The following RNFT2 variants were observed in gnomAD, a reference collection of about 807,000 sequenced individuals.
RNFT2 encodes the protein E3 ubiquitin-protein ligase RNFT2.
A neutral mutation model predicts 53.0 loss-of-function variants in RNFT2; 36 were observed. The ratio of observed to expected loss-of-function variants is 0.68; its 90% CI spans 0.52 to 0.90. The LOEUF is 0.90. Ranked by LOEUF, RNFT2 falls within the 40% of genes least tolerant of loss-of-function variation. The probability of loss-of-function intolerance (pLI) is 0.00; values close to 1 mark genes in which losing one functional copy is unlikely to be tolerated. For missense variants in RNFT2, 514 were observed against 585.6 expected, an observed-to-expected ratio of 0.88 and a Z score of 1.26; for synonymous variants, 260 against 253.2, an observed-to-expected ratio of 1.03 and a Z score of -0.26.
chr12:116,769,751 G>A (rs1162801563), intron 6 of RNFT2, among the ~76,000 whole-genome samples: 1 of 152,102 alleles, frequency 6.6e-6, no homozygotes, highest in Non-Finnish European at 1.5e-5. Flanking sequence ...AAATGTAACG[G>A]CCGGGCATGG....
chr12:116,787,692 A>C (rs767502373), intron 7 of RNFT2, among the ~76,000 whole-genome samples: 11 of 150,060 alleles, frequency 7.3e-5, no homozygotes, highest in Non-Finnish European at 1.3e-4. Flanking sequence ...CAGCCTGGGC[A>C]ATAGAGGGAC....
chr12:116,833,705 C>T, intron 7 of RNFT2, 87 bp from the exon 8 acceptor site: 1 of 1,366,854 alleles, frequency 7.3e-7, no homozygotes, highest in Non-Finnish European at 1.0e-6. Flanking sequence ...CCTAGAATGT[C>T]ATCACTGCCC....
chr12:116,823,498 A>G (rs1876164154), intron 7 of RNFT2, among the ~76,000 whole-genome samples: 2 of 152,322 alleles, frequency 1.3e-5, no homozygotes, highest in South Asian at 4.1e-4. Flanking sequence ...AGCCTGGCCA[A>G]TGTGGCAAAA....
Position 116,850,361 on chromosome 12 carries a change from A to AT in RNFT2, c.*915dup, listed in dbSNP as rs1877860737. ...TAATTTTTAGTAGAGGCGAGGACTT[A>AT]TTATGTTGTCCAGGGTGTTCTCAAA... On this transcript the variant is annotated 3_prime_UTR_variant, in exon 11 of 11. Coordinates refer to ENST00000257575, the MANE Select transcript of RNFT2 (RefSeq NM_001382266.1). 1 of 148,344 alleles carries AT rather than the reference A, an allele frequency of 6.7e-6. No homozygotes were observed. Among genetic ancestry groups the AT allele is most frequent in the Non-Finnish European group, 1.5e-5 (1 of 67,372 alleles). The allele number at this position is 148,344 out of a possible 1,614,324, so 9.2% of individuals were successfully genotyped here. A position where few individuals can be genotyped will look rare whatever the true frequency, so the allele number is the denominator to read the frequency against.
At chr12:116,822,828 C>T (rs1392748753) in intron 7 of RNFT2, among the ~76,000 whole-genome samples, 1 of 152,144 alleles carries the variant, frequency 6.6e-6, no homozygotes, top group Non-Finnish European at 1.5e-5. Flanking sequence ...GAAACCCCAT[C>T]TCTACTAAAA....
chr12:116,766,927 A>C lies in RNFT2; in HGVS notation c.728+13A>C. The C allele has an allele frequency of 6.4e-7, 1 of 1,561,338 alleles. No individual in the cohort carries two copies. The highest frequency in any genetic ancestry group is 8.7e-7 in the Non-Finnish European group (1 of 1,149,422). ...AGCTGTACAACAGGTGAGCATGGGA[A>C]TCCAACCCCCACGGTGGGAGAGTGG... On this transcript the variant is annotated intron_variant, in intron 6 of 10. Transcript: ENST00000257575.
chr12:116,848,323 G>A (rs11068204), intron 10 of RNFT2, among the ~76,000 whole-genome samples: 4,059 of 152,232 alleles, frequency 0.027, 157 homozygotes, highest in East Asian at 0.13. Context: ...GCATGTATCT[G>A]TTTATCGTAG....
At chr12:116,754,211 G>A (rs985473866) in intron 5 of RNFT2, among the ~76,000 whole-genome samples, 151 bp downstream of exon 5, 3 of 152,254 alleles carry the variant, frequency 2.0e-5, no homozygotes, top group Non-Finnish European at 4.4e-5. Flanking sequence ...CAGTGAGAAC[G>A]TACAATGTTT....
At chr12:116,761,663 C>T (rs1167034699) in intron 5 of RNFT2, among the ~76,000 whole-genome samples, 2 of 152,172 alleles carry the variant, frequency 1.3e-5, no homozygotes, top group Non-Finnish European at 2.9e-5. Flanking sequence ...CATTTTCCCA[C>T]TGAGGAAACA....
intron 4 of RNFT2, 25 bp from the exon 5 acceptor site, chr12:116,753,959 C>T (rs1447417325): frequency 1.2e-6 from 2 of 1,608,266 alleles, no homozygotes; most frequent in African/African-American, 1.3e-5. Context: ...AAGTGGGTGA[C>T]ATCAGGCCCT....
chr12:116,810,535 T>C (rs1875322296), intron 7 of RNFT2, among the ~76,000 whole-genome samples: 1 of 152,060 alleles, frequency 6.6e-6, no homozygotes. Flanking sequence ...TTGGTATGAA[T>C]TTGCTCACAG....
At chr12:116,841,053 A>G (rs1877224217) in intron 10 of RNFT2, among the ~76,000 whole-genome samples, 1 of 152,170 alleles carries the variant, frequency 6.6e-6, no homozygotes, top group African/African-American at 2.4e-5. Flanking sequence ...CTACAAAGTC[A>G]GATGCTTTTA....
Position 116,766,797 on chromosome 12 carries a change from T to G in RNFT2, c.628-17T>G. On this transcript the variant is annotated splice_polypyrimidine_tract_variant and intron_variant, in intron 5 of 10. Transcript: ENST00000257575. ...ACATGCACCTTTGATATCACATATCTCTTGCTTTGTCTTCAGGAGAAGAGG... is the reference window on the plus strand; with the variant it reads ...ACATGCACCTTTGATATCACATATCGCTTGCTTTGTCTTCAGGAGAAGAGG... The G allele has an allele frequency of 2.6e-6, 4 of 1,565,584 alleles. No individual in the cohort carries two copies. The highest frequency in any genetic ancestry group is 3.5e-6 in the Non-Finnish European group (4 of 1,151,484).
intron 7 of RNFT2, among the ~76,000 whole-genome samples, chr12:116,786,919 G>A (rs1873958905): frequency 1.3e-5 from 2 of 152,126 alleles, no homozygotes. Flanking sequence ...TGCCCCCATG[G>A]CCACATGGTC....
intron 2 of RNFT2, chr12:116,740,792 T>C: frequency 1.6e-6 from 1 of 619,722 alleles, no homozygotes; most frequent in Middle Eastern, 3.8e-4. Flanking sequence ...ACATGAGGAC[T>C]TTCTCCACCT....
chr12:116,842,395 G>A (rs1033717822), intron 10 of RNFT2, among the ~76,000 whole-genome samples: 4 of 152,060 alleles, frequency 2.6e-5, no homozygotes, highest in African/African-American at 9.7e-5. Context: ...TCACATGCCC[G>A]AGGTTGGATT....
intron 5 of RNFT2, among the ~76,000 whole-genome samples, chr12:116,759,786 G>T (rs1872628127): frequency 6.6e-6 from 1 of 152,178 alleles, no homozygotes; most frequent in African/African-American, 2.4e-5. Context: ...AATGGACTCC[G>T]TGAGGGTTCT....
intron 7 of RNFT2, among the ~76,000 whole-genome samples, chr12:116,793,363 T>A (rs1045726867): frequency 2.6e-5 from 4 of 152,056 alleles, no homozygotes; most frequent in African/African-American, 9.7e-5. Context: ...ATTTTTAAAA[T>A]TTTTGTAGAG....
chr12:116,757,594 G>A (rs1043351143), intron 5 of RNFT2, among the ~76,000 whole-genome samples: 1 of 152,094 alleles, frequency 6.6e-6, no homozygotes, highest in Admixed American at 6.6e-5. Context: ...TGCTCATTCA[G>A]GAGCAGGTTA....
Sources: gnomAD v4.1 joint callset for allele counts (sites outside exome capture counted in the v4.1 genomes callset) on GRCh38, gnomAD v4.1.1 for gene constraint, MANE v1.5 for transcripts, NCBI Gene and HGNC (gene_info 2026-07-23, HGNC 2026-07-21) for gene names.